Variants in TGS1 observed in about 807,000 individuals in gnomAD.
TGS1 encodes trimethylguanosine synthase.
TGS1 carries 69 observed loss-of-function variants against 92.2 expected under a neutral mutation model. That is an observed-to-expected ratio of 0.75 (90% CI 0.62 to 0.91). TGS1 has a LOEUF of 0.91. Among genes scored for constraint, TGS1 ranks in the 40% least tolerant of loss-of-function variants. The pLI, the probability that TGS1 is intolerant of heterozygous loss-of-function variation, is 0.00. For missense variants in TGS1, 1,062 were observed against 1,001.2 expected (o/e 1.06, Z -0.82); for synonymous variants, 345 against 338.1 (o/e 1.02, Z -0.22).
chr8:55,811,030 C>T lies in TGS1; in HGVS notation c.2293C>T (p.Pro765Ser). ...GGCTGATGTTGTGTTCCTCAGCCCACCTTGGGGAGGGCCAGACTATGCCAC... is the reference window on the plus strand; with the variant it reads ...GGCTGATGTTGTGTTCCTCAGCCCATCTTGGGGAGGGCCAGACTATGCCAC... Reference protein sequence around the residue: ...LKADVVFLSPPWGGPDYATAE... With the variant: ...LKADVVFLSPSWGGPDYATAE... The change falls in exon 11 of 13, where the codon CCT becomes TCT. Residue 765 changes from proline to serine, a missense_variant. Pro to Ser is a moderately conservative substitution (Grantham distance 74). Coordinates refer to ENST00000260129, the MANE Select transcript of TGS1 (RefSeq NM_024831.8). 3.1e-6 allele frequency: 5 copies of T among 1,614,136 alleles called. No homozygotes were observed. Among genetic ancestry groups the T allele is most frequent in the Non-Finnish European group, 3.4e-6 (4 of 1,180,030 alleles).
chr8:55,802,652 A>C, intron 9 of TGS1, 46 bp downstream of exon 9: 1 of 1,541,856 alleles, frequency 6.5e-7, no homozygotes, highest in Non-Finnish European at 8.8e-7. Flanking sequence ...AACCACTTCA[A>C]ACTTAAAAAG....
chr8:55,796,671 A>G (rs1812061488), intron 7 of TGS1, among the ~76,000 whole-genome samples: 1 of 149,192 alleles, frequency 6.7e-6, no homozygotes, highest in Non-Finnish European at 1.5e-5. Flanking sequence ...TTGGGCAACA[A>G]GAGCAAAACT....
At chr8:55,808,287 G>C (rs747778704) in intron 10 of TGS1, among the ~76,000 whole-genome samples, 2 of 152,020 alleles carry the variant, frequency 1.3e-5, no homozygotes, top group African/African-American at 4.8e-5. Flanking sequence ...GTTCTTCTCA[G>C]ACTTTGCCAG....
intron 11 of TGS1, 53 bp downstream of exon 11, chr8:55,811,150 G>A: frequency 9.4e-7 from 1 of 1,059,856 alleles, no homozygotes; most frequent in Non-Finnish European, 1.4e-6. Flanking sequence ...TGGAGAGAAA[G>A]GAGCATGAGA....
At chr8:55,776,125 G>T (rs937534300) in intron 1 of TGS1, among the ~76,000 whole-genome samples, 1 of 152,042 alleles carries the variant, frequency 6.6e-6, no homozygotes, top group Non-Finnish European at 1.5e-5. Context: ...CAACCCGAGC[G>T]AGCAATTCCT....
Position 55,786,578 on chromosome 8 carries a change from C to T in TGS1, c.680C>T (p.Pro227Leu). The T allele has an allele frequency of 1.9e-6, 3 of 1,614,136 alleles. No homozygotes were observed. Among genetic ancestry groups the T allele is most frequent in the Non-Finnish European group, 2.5e-6 (3 of 1,180,016 alleles). The stretch of plus-strand genomic sequence containing the variant: ...CCGGGTCAAGCACTATCTTCTGAAC[C>T]TTGGAACTTTCCTGATACAAAGGAA... ...KHPGQALSSE[P>L]WNFPDTKEEW... The change falls in exon 4 of 13, where the codon CCT becomes CTT. Residue 227 changes from proline to leucine, a missense_variant. Pro to Leu is a moderately conservative substitution (Grantham distance 98). Coordinates refer to ENST00000260129, the MANE Select transcript of TGS1 (RefSeq NM_024831.8).
intron 12 of TGS1, among the ~76,000 whole-genome samples, chr8:55,818,047 CCA>C (rs2130251047): frequency 6.6e-6 from 1 of 152,310 alleles, no homozygotes; most frequent in Non-Finnish European, 1.5e-5. Flanking sequence ...GGTCATTCTG[CCA>C]CACAGCGACA....
rs770081207 is a variant in TGS1 at position 55,790,168 on chromosome 8, T to G, written c.1163-14T>G. On this transcript the variant is annotated splice_polypyrimidine_tract_variant and intron_variant, in intron 4 of 12. Coordinates refer to ENST00000260129, the MANE Select transcript of TGS1 (RefSeq NM_024831.8). ...CAAGGGGGAAAAGCTACTGCAATAT[T>G]TCTGCCTCTTTAGATTCACAGAAGT... 1 of 1,600,402 alleles carries G rather than the reference T, an allele frequency of 6.2e-7. No homozygotes were observed. The highest frequency in any genetic ancestry group is 1.7e-5 in the Admixed American group (1 of 59,596).
rs937698441 is a variant in TGS1, at chr8:55,810,890, T to C, written c.2153T>C (p.Ile718Thr). Reference protein sequence around the residue: ...FALTGMRVIAIDIDPVKIALA... With the variant: ...FALTGMRVIATDIDPVKIALA... Reference sequence around the variant, plus strand: ...CTTTTCCCACTTTTAGTGATTGCCATTGATATCGATCCTGTTAAGATTGCC... The same window carrying C: ...CTTTTCCCACTTTTAGTGATTGCCACTGATATCGATCCTGTTAAGATTGCC... The change falls in exon 11 of 13, where the codon ATT (isoleucine) becomes ACT (threonine). Residue 718 changes from isoleucine to threonine, a missense_variant. Physicochemically the swap from Ile to Thr is moderately conservative, Grantham distance 89. Coordinates refer to ENST00000260129, the MANE Select transcript of TGS1 (RefSeq NM_024831.8). The C allele has an allele frequency of 2.5e-6, 4 of 1,613,818 alleles. No individual in the cohort carries two copies. In the African/African-American group the frequency reaches 4.0e-5, roughly 16 times the overall value.
chr8:55,786,102 C>T, intron 3 of TGS1, 136 bp from the exon 4 acceptor site: 1 of 705,396 alleles, frequency 1.4e-6, no homozygotes, highest in African/African-American at 1.8e-5. Context: ...TAGTATATCA[C>T]TTGTTTGTGG....
chr8:55,811,845 AAGC>A (rs1271044460), intron 11 of TGS1, among the ~76,000 whole-genome samples: 2 of 152,210 alleles, frequency 1.3e-5, no homozygotes, highest in African/African-American at 4.8e-5. Context: ...TTTACATAAA[AAGC>A]AGGTATGTAA....
chr8:55,786,139 G>C (rs542084804), intron 3 of TGS1, 99 bp from the exon 4 acceptor site: 42 of 784,574 alleles, frequency 5.4e-5, no homozygotes, highest in Non-Finnish European at 7.5e-5. Flanking sequence ...TGGGGCTTTA[G>C]AGTATTTTGT....
At position 55,805,037 on chromosome 8, in the gene TGS1, G is replaced by A; in HGVS notation, c.2143+1G>A. ...CAGTTTGCCTTAACAGGAATGAGAGGTAATTAGCCATCAATGGAAGTGAAC... is the reference window on the plus strand; with the variant it reads ...CAGTTTGCCTTAACAGGAATGAGAGATAATTAGCCATCAATGGAAGTGAAC... On this transcript the variant is annotated splice_donor_variant, in intron 10 of 12. Coordinates refer to ENST00000260129, the MANE Select transcript of TGS1 (RefSeq NM_024831.8). LOFTEE classifies it high-confidence loss of function. 1.2e-6 allele frequency: 2 copies of A among 1,612,768 alleles called. No homozygotes were observed. Among genetic ancestry groups the A allele is most frequent in the Non-Finnish European group, 1.7e-6 (2 of 1,179,194 alleles).
intron 1 of TGS1, among the ~76,000 whole-genome samples, chr8:55,773,949 C>T (rs1200608453): frequency 6.6e-6 from 1 of 152,070 alleles, no homozygotes; most frequent in Non-Finnish European, 1.5e-5. Context: ...GAAAAAATGT[C>T]GTAGGTGCTA....
intron 12 of TGS1, among the ~76,000 whole-genome samples, chr8:55,819,987 C>A (rs1243814602): frequency 1.3e-5 from 2 of 152,196 alleles, no homozygotes; most frequent in Non-Finnish European, 1.5e-5. Flanking sequence ...GTATTTGACA[C>A]AGATCTGAAG....
chr8:55,817,201 A>G (rs67905241), intron 12 of TGS1, among the ~76,000 whole-genome samples: 17,051 of 152,118 alleles, frequency 0.11, 1,154 homozygotes, highest in Middle Eastern at 0.17. Flanking sequence ...TGAGGCTCCA[A>G]TTGTCTTTTT....
At chr8:55,796,988 C>CA (rs141026808) in intron 7 of TGS1, among the ~76,000 whole-genome samples, 2,361 of 144,654 alleles carry the variant, frequency 0.016, 64 homozygotes, top group African/African-American at 0.053. Flanking sequence ...AAGACTGTCT[C>CA]AAAAAAAAAA....
intron 8 of TGS1, among the ~76,000 whole-genome samples, chr8:55,802,202 T>C (rs964154510): frequency 6.6e-6 from 1 of 151,996 alleles, no homozygotes; most frequent in Admixed American, 6.6e-5. Context: ...TCTAAATAAA[T>C]AAATAAATGA....
At chr8:55,815,947 T>TTTTA (rs960443751) in intron 12 of TGS1, among the ~76,000 whole-genome samples, 4 of 146,340 alleles carry the variant, frequency 2.7e-5, no homozygotes, top group Admixed American at 6.7e-5. Context: ...TATTTATTTA[T>TTTTA]TTTATTTATT....
Sources: gnomAD v4.1 joint callset for allele counts (sites outside exome capture counted in the v4.1 genomes callset) on GRCh38, gnomAD v4.1.1 for gene constraint, MANE v1.5 for transcripts, NCBI Gene and HGNC (gene_info 2026-07-23, HGNC 2026-07-21) for gene names.